Variants in KLF12 observed in about 807,000 individuals in gnomAD.
The protein encoded by KLF12 is KLF transcription factor 12, also known as Krueppel-like factor 12.
A neutral mutation model predicts 37.8 loss-of-function variants in KLF12; 9 were observed. The observed-to-expected ratio is 0.24, with a 90% CI of 0.14 to 0.42. KLF12 has a LOEUF of 0.42. Among genes scored for constraint, KLF12 ranks in the 10% least tolerant of loss-of-function variants. The probability of loss-of-function intolerance (pLI) is 1.00; values close to 1 mark genes in which losing one functional copy is unlikely to be tolerated. For missense variants in KLF12, 411 were observed against 516.0 expected, an observed-to-expected ratio of 0.80 and a Z score of 1.97; for synonymous variants, 208 against 202.1, an observed-to-expected ratio of 1.03 and a Z score of -0.25.
intron 1 of KLF12, among the ~76,000 whole-genome samples, chr13:74,018,174 T>A (rs1892749837): frequency 6.6e-6 from 1 of 152,134 alleles, no homozygotes; most frequent in Admixed American, 6.5e-5. Flanking sequence ...CAGATGAATC[T>A]GTGTGACATT....
the KLF12 span, among the ~76,000 whole-genome samples, chr13:74,281,714 T>C: frequency 6.6e-6 from 1 of 152,202 alleles, no homozygotes. Context: ...ATCTATGTGC[T>C]TGGTTACAAG....
intron 3 of KLF12, among the ~76,000 whole-genome samples, chr13:73,937,244 T>G (rs1204216273): frequency 6.6e-6 from 1 of 152,126 alleles, no homozygotes; most frequent in Admixed American, 6.5e-5. Flanking sequence ...TTATAAACTC[T>G]GAACCGGTAT....
chr13:73,880,506 G>C (rs1373789212), intron 3 of KLF12, among the ~76,000 whole-genome samples: 1 of 152,136 alleles, frequency 6.6e-6, no homozygotes, highest in Non-Finnish European at 1.5e-5. Context: ...ATGAGGAATT[G>C]CCTCCAACCT....
At chr13:74,232,556 G>A in the KLF12 span, among the ~76,000 whole-genome samples, 31 of 152,190 alleles carry the variant, frequency 2.0e-4, no homozygotes, top group Admixed American at 2.0e-3. Flanking sequence ...AAAAGGATAA[G>A]TACTTTTTAG....
At chr13:74,224,483 T>G in the KLF12 span, among the ~76,000 whole-genome samples, 1 of 152,150 alleles carries the variant, frequency 6.6e-6, no homozygotes, top group East Asian at 1.9e-4. Flanking sequence ...CTCTACGATG[T>G]GATTAATTGA....
At chr13:73,752,097 C>A (rs536415791) in intron 6 of KLF12, among the ~76,000 whole-genome samples, 2 of 152,130 alleles carry the variant, frequency 1.3e-5, no homozygotes, top group African/African-American at 4.8e-5. Context: ...ATTCTCCTGC[C>A]TCGGCCTCCT....
chr13:74,082,827 A>G (rs1356704775), intron 1 of KLF12, among the ~76,000 whole-genome samples: 1 of 152,092 alleles, frequency 6.6e-6, no homozygotes, highest in African/African-American at 2.4e-5. Flanking sequence ...GCCAGGGAGC[A>G]TTTTCCCGGG....
chr13:74,297,567 A>G, the KLF12 span, among the ~76,000 whole-genome samples: 3 of 152,286 alleles, frequency 2.0e-5, no homozygotes, highest in Admixed American at 2.0e-4. Flanking sequence ...TGGGCTTTTG[A>G]TAGATTTTGT....
intron 3 of KLF12, among the ~76,000 whole-genome samples, chr13:73,880,514 C>G (rs538294298): frequency 6.6e-6 from 1 of 152,238 alleles, no homozygotes; most frequent in South Asian, 2.1e-4. Context: ...TTGCCTCCAA[C>G]CTGTGACGGA....
the KLF12 span, among the ~76,000 whole-genome samples, chr13:74,248,152 G>A: frequency 2.0e-5 from 3 of 152,316 alleles, no homozygotes; most frequent in Non-Finnish European, 4.4e-5. Context: ...AGGCCTACAT[G>A]TAGTTGTATT....
chr13:73,939,265 T>C (rs1890085550), intron 3 of KLF12, among the ~76,000 whole-genome samples: 1 of 152,232 alleles, frequency 6.6e-6, no homozygotes, highest in South Asian at 2.1e-4. Context: ...CCTCTGCACC[T>C]ATGTAGTTTT....
At chr13:74,250,666 C>T in the KLF12 span, among the ~76,000 whole-genome samples, 63 of 151,754 alleles carry the variant, frequency 4.2e-4, no homozygotes, top group Non-Finnish European at 7.9e-4. Context: ...ATATCGAACA[C>T]GCCAATGACT....
At chr13:74,086,047 T>C (rs1291841974) in intron 1 of KLF12, among the ~76,000 whole-genome samples, 1 of 94,314 alleles carries the variant, frequency 1.1e-5, no homozygotes, top group South Asian at 4.6e-4. Flanking sequence ...ATTTCATATA[T>C]TTTAAAAGTG....
At chr13:73,924,535 G>T (rs1037932283) in intron 3 of KLF12, among the ~76,000 whole-genome samples, 1 of 152,078 alleles carries the variant, frequency 6.6e-6, no homozygotes, top group Non-Finnish European at 1.5e-5. Flanking sequence ...TGTTTTGACT[G>T]CCCCACCCAC....
chr13:73,720,764 A>G (rs1207201855), intron 6 of KLF12, among the ~76,000 whole-genome samples: 1 of 152,218 alleles, frequency 6.6e-6, no homozygotes, highest in Non-Finnish European at 1.5e-5. Flanking sequence ...AAGGCGCCAC[A>G]TGGCTGCCAT....
At chr13:73,709,349 A>G (rs956143578) in intron 7 of KLF12, among the ~76,000 whole-genome samples, 3 of 152,216 alleles carry the variant, frequency 2.0e-5, no homozygotes, top group Admixed American at 6.5e-5. Context: ...CATAGCGTGC[A>G]TGGCTCTCGT....
At chr13:74,192,806 A>T in the KLF12 span, among the ~76,000 whole-genome samples, 3 of 152,272 alleles carry the variant, frequency 2.0e-5, no homozygotes, top group African/African-American at 7.2e-5. Flanking sequence ...AAATTCTTAG[A>T]ATGCACAGAT....
chr13:74,054,531 A>G (rs1282902518), intron 1 of KLF12, among the ~76,000 whole-genome samples: 3 of 151,970 alleles, frequency 2.0e-5, no homozygotes, highest in African/African-American at 7.3e-5. Flanking sequence ...ACAGAACAAA[A>G]GAGAACTTCA....
At chr13:74,184,774 A>G in the KLF12 span, among the ~76,000 whole-genome samples, 6 of 152,234 alleles carry the variant, frequency 3.9e-5, no homozygotes, top group African/African-American at 1.4e-4. Context: ...AACCAACAGA[A>G]TTCTGTTAGC....
Sources: gnomAD v4.1 joint callset for allele counts (sites outside exome capture counted in the v4.1 genomes callset) on GRCh38, gnomAD v4.1.1 for gene constraint, MANE v1.5 for transcripts, NCBI Gene and HGNC (gene_info 2026-07-23, HGNC 2026-07-21) for gene names.